Variants in ADAMTSL1 observed in about 807,000 individuals in gnomAD.
ADAMTSL1 encodes the protein ADAMTS like 1, also known as ADAMTS-like protein 1.
In ADAMTSL1, 126 loss-of-function variants were observed where a neutral mutation model predicts 201.8. The ratio of observed to expected loss-of-function variants is 0.62; its 90% confidence interval spans 0.54 to 0.72. The LOEUF (loss-of-function observed/expected upper bound fraction) is 0.72, where lower values mean the gene tolerates loss of function less well. Ranked by LOEUF, ADAMTSL1 falls within the 30% of genes least tolerant of loss-of-function variation. The pLI, the probability that ADAMTSL1 is intolerant of heterozygous loss-of-function variation, is 0.00. For synonymous variants in ADAMTSL1, 1,121 were observed against 903.4 expected (o/e 1.24, Z -4.32); for missense variants, 2,679 against 2,277.8 (o/e 1.18, Z -3.59).
rs151184157 is a variant in ADAMTSL1 at position 17,978,976 on chromosome 9, T to C, written c.87+72054T>C. On this transcript the variant is annotated intron_variant, in intron 1 of 29. Transcript: ENST00000680146. The stretch of plus-strand genomic sequence containing the variant: ...TTGGTTGACAGTTTTTTTTTTTCTT[T>C]CAGCATTTTTCATGTGTCACTGCAC... Among the ~76,000 whole-genome samples the C allele has an allele frequency of 4.5e-3, 685 of 152,090 alleles. 6 individuals carry two copies. Among genetic ancestry groups the C allele is most frequent in the African/African-American group, 0.016 (662 of 41,498 alleles).
At chr9:18,561,481 G>A (rs1821494343) in intron 3 of ADAMTSL1, among the ~76,000 whole-genome samples, 2 of 152,138 alleles carry the variant, frequency 1.3e-5, no homozygotes, top group South Asian at 4.2e-4. Flanking sequence ...GTGTAATGTG[G>A]TGCTGAGAAG....
Position 18,143,169 on chromosome 9 carries a change from G to C in ADAMTSL1, c.88-20693G>C, listed in dbSNP as rs551523352. ...ACCTTCTACTCTCTGCTGCCATCTA[G>C]GAAAGTGGAGCTGGAGCCAGAGGAC... On this transcript the variant is annotated intron_variant, in intron 1 of 29. Transcript: ENST00000680146. Among the ~76,000 whole-genome samples, 4 of 152,252 alleles carry C rather than the reference G, an allele frequency of 2.6e-5. No individual in the cohort carries two copies. The East Asian group carries it at 7.8e-4, about 30-fold the overall frequency.
chr9:18,171,058 A>G (rs920763170), intron 2 of ADAMTSL1, among the ~76,000 whole-genome samples: 19 of 152,138 alleles, frequency 1.2e-4, no homozygotes, highest in African/African-American at 4.1e-4. Context: ...AAATTAATCC[A>G]CATATCTAGC....
intron 1 of ADAMTSL1, among the ~76,000 whole-genome samples, chr9:18,066,979 G>A (rs1822732894): frequency 6.6e-6 from 1 of 152,126 alleles, no homozygotes; most frequent in African/African-American, 2.4e-5. Flanking sequence ...ACACTCTGGG[G>A]ACTGTTGTGG....
Position 18,474,311 on chromosome 9 carries a change from T to C in ADAMTSL1, c.63+16T>C. The C allele has an allele frequency of 6.2e-7, 1 of 1,613,910 alleles. No individual in the cohort carries two copies. Among genetic ancestry groups the C allele is most frequent in the Non-Finnish European group, 8.5e-7 (1 of 1,179,836 alleles). ...CCTGCTCCTGGTAAATGCCTTTTCA[T>C]TTCAATGCATTGCTATTGCCATTGA... On this transcript the variant is annotated intron_variant, in intron 1 of 28. Coordinates refer to ENST00000380548, the MANE Select transcript of ADAMTSL1 (RefSeq NM_001040272.6).
chr9:18,578,900 G>A (rs532620196), intron 4 of ADAMTSL1, among the ~76,000 whole-genome samples: 1 of 150,986 alleles, frequency 6.6e-6, no homozygotes, highest in East Asian at 2.0e-4. Context: ...GTTGTTTCCT[G>A]ACTTTTTAAT....
rs10673652 is a variant in ADAMTSL1, at chr9:18,503,421, GTATA to G, written c.64-1391_64-1388del. 1.4e-3 allele frequency among the ~76,000 whole-genome samples: 162 copies of G among 115,256 alleles called. 6 individuals are homozygous for G. The highest frequency in any genetic ancestry group is 4.8e-3 in the Middle Eastern group (1 of 208). The allele number at this position is 115,256 out of a possible 152,430, so 75.6% of individuals were successfully genotyped here. A position where few individuals can be genotyped will look rare whatever the true frequency, so the allele number is the denominator to read the frequency against. Reference sequence around the variant, plus strand: ...TTAAGGCTGAATAGTATTCCATTGTGTATATATATATATATATATACCACATTTT... The same window carrying G: ...TTAAGGCTGAATAGTATTCCATTGTGTATATATATATATATACCACATTTT... On this transcript the variant is annotated intron_variant, in intron 1 of 28. Coordinates refer to ENST00000380548, the MANE Select transcript of ADAMTSL1 (RefSeq NM_001040272.6).
At chr9:18,074,471 G>GTCTTTTCTTTTTTCTTTTCTTTTC (rs1823105459) in intron 1 of ADAMTSL1, among the ~76,000 whole-genome samples, 14 of 126,936 alleles carry the variant, frequency 1.1e-4, no homozygotes, top group African/African-American at 4.2e-4. Context: ...ACCACACTGT[G>GTCTTTTCTTTTTTCTTTTCTTTTC]TTTTCTTTTC....
intron 19 of ADAMTSL1, among the ~76,000 whole-genome samples, chr9:18,782,792 G>A (rs569945083): frequency 6.6e-6 from 1 of 152,300 alleles, no homozygotes; most frequent in East Asian, 1.9e-4. Flanking sequence ...GATGTGAGGA[G>A]GAAGAACACT....
chr9:18,396,951 T>G (rs574255962), intron 2 of ADAMTSL1, among the ~76,000 whole-genome samples: 2 of 152,340 alleles, frequency 1.3e-5, no homozygotes, highest in African/African-American at 4.8e-5. Flanking sequence ...TGGTTCTATA[T>G]GCACTATGCC....
intron 1 of ADAMTSL1, among the ~76,000 whole-genome samples, chr9:18,082,518 G>A (rs547108806): frequency 5.9e-5 from 9 of 152,206 alleles, no homozygotes; most frequent in African/African-American, 2.2e-4. Flanking sequence ...CACCATGTTG[G>A]CAGGTTAGTC....
At chr9:18,352,708 A>C (rs1436425329) in intron 2 of ADAMTSL1, among the ~76,000 whole-genome samples, 1 of 152,222 alleles carries the variant, frequency 6.6e-6, no homozygotes, top group Non-Finnish European at 1.5e-5. Flanking sequence ...ACAGAAAACC[A>C]TCAGATGATT....
intron 4 of ADAMTSL1, 60 bp from the exon 5 acceptor site, chr9:18,622,183 A>C (rs1431727891): frequency 1.1e-5 from 18 of 1,588,236 alleles, no homozygotes; most frequent in East Asian, 2.2e-5. Context: ...GATTGGCCTC[A>C]TAATGGATTT....
intron 25 of ADAMTSL1, among the ~76,000 whole-genome samples, chr9:18,891,431 C>G (rs1462019823): frequency 6.6e-6 from 1 of 152,198 alleles, no homozygotes; most frequent in Non-Finnish European, 1.5e-5. Flanking sequence ...TTTCCCCAAG[C>G]TCTCTCCTTC....
At chr9:18,590,111 A>G (rs1286996532) in intron 4 of ADAMTSL1, among the ~76,000 whole-genome samples, 2 of 151,544 alleles carry the variant, frequency 1.3e-5, no homozygotes, top group East Asian at 3.9e-4. Flanking sequence ...CTCCTCTTTG[A>G]TTGTTTTTTT....
At chr9:18,031,060 T>C (rs1820930762) in intron 1 of ADAMTSL1, among the ~76,000 whole-genome samples, 1 of 152,164 alleles carries the variant, frequency 6.6e-6, no homozygotes, top group Non-Finnish European at 1.5e-5. Context: ...TTTAAACTCT[T>C]GGATTGTTTT....
chr9:18,190,815 A>G (rs1160225512), intron 2 of ADAMTSL1, among the ~76,000 whole-genome samples: 4 of 152,154 alleles, frequency 2.6e-5, no homozygotes, highest in Non-Finnish European at 4.4e-5. Flanking sequence ...CATAAATTCC[A>G]TGACAAGACT....
intron 1 of ADAMTSL1, among the ~76,000 whole-genome samples, chr9:18,116,705 A>G (rs1825265965): frequency 1.3e-5 from 2 of 152,146 alleles, no homozygotes; most frequent in Non-Finnish European, 2.9e-5. Context: ...TATGGTTTAA[A>G]TACTTTTTTA....
intron 2 of ADAMTSL1, among the ~76,000 whole-genome samples, chr9:18,168,449 A>G (rs111346541): frequency 0.03 from 4,543 of 152,084 alleles, 91 homozygotes; most frequent in Non-Finnish European, 0.047. Flanking sequence ...TACAAAGGAC[A>G]TGAACTCATC....
Sources: gnomAD v4.1 joint callset for allele counts (sites outside exome capture counted in the v4.1 genomes callset) on GRCh38, gnomAD v4.1.1 for gene constraint, MANE v1.5 for transcripts, NCBI Gene and HGNC (gene_info 2026-07-23, HGNC 2026-07-21) for gene names.